PDE4D: variants seen among roughly 807,000 people sequenced by gnomAD.
PDE4D encodes 3',5'-cyclic-AMP phosphodiesterase 4D.
Under a neutral mutation model 87.4 loss-of-function variants are expected in PDE4D, and 24 were observed. The ratio of observed to expected loss-of-function variants is 0.27; its 90% CI spans 0.20 to 0.39. The LOEUF (loss-of-function observed/expected upper bound fraction) is 0.39, where lower values mean the gene tolerates loss of function less well. Among genes scored for constraint, PDE4D ranks in the 10% least tolerant of loss-of-function variants. The pLI is 1.00. For missense variants in PDE4D, 714 were observed against 1,041.0 expected, an observed-to-expected ratio of 0.69 and a Z score of 4.32; for synonymous variants, 384 against 383.2, an observed-to-expected ratio of 1.00 and a Z score of -0.02.
chr5:59,962,179 A>T (rs1325356324), intron 3 of PDE4D, among the ~76,000 whole-genome samples: 1 of 152,200 alleles, frequency 6.6e-6, no homozygotes, highest in Non-Finnish European at 1.5e-5. Flanking sequence ...ATCAGACAGT[A>T]CATTGTAACA....
At chr5:59,567,830 G>A (rs1012153627) in intron 1 of PDE4D, among the ~76,000 whole-genome samples, 1 of 152,160 alleles carries the variant, frequency 6.6e-6, no homozygotes, top group African/African-American at 2.4e-5. Context: ...ATGTGGTAAT[G>A]AGTTAGATTT....
At chr5:59,846,704 G>A (rs1743908595) in intron 1 of PDE4D, among the ~76,000 whole-genome samples, 1 of 151,924 alleles carries the variant, frequency 6.6e-6, no homozygotes, top group Non-Finnish European at 1.5e-5. Context: ...GAGGAGTAGA[G>A]AGCTCCTGGG....
chr5:60,006,246 C>A (rs371320862), intron 2 of PDE4D, among the ~76,000 whole-genome samples: 112 of 151,458 alleles, frequency 7.4e-4, no homozygotes, highest in Non-Finnish European at 1.4e-3. Context: ...TTAGGTTGGG[C>A]GAAAGCAATT....
At chr5:59,907,240 T>C (rs1156641065) in intron 3 of PDE4D, among the ~76,000 whole-genome samples, 5 of 152,178 alleles carry the variant, frequency 3.3e-5, no homozygotes, top group Non-Finnish European at 5.9e-5. Flanking sequence ...CTCATTGTGG[T>C]TTTGATTTGC....
At chr5:60,443,326 T>C (rs561401939) in intron 1 of PDE4D, among the ~76,000 whole-genome samples, 3 of 152,246 alleles carry the variant, frequency 2.0e-5, no homozygotes, top group African/African-American at 7.2e-5. Context: ...GGTATTCAAC[T>C]AGTAAAGTCA....
intron 2 of PDE4D, among the ~76,000 whole-genome samples, chr5:60,121,174 T>C (rs2149378549): frequency 6.6e-6 from 1 of 151,368 alleles, no homozygotes; most frequent in South Asian, 2.1e-4. Context: ...GTTAATACTA[T>C]ATATATATAG....
intron 1 of PDE4D, among the ~76,000 whole-genome samples, chr5:60,221,351 A>G (rs62370656): frequency 0.027 from 4,056 of 152,230 alleles, 75 homozygotes; most frequent in Middle Eastern, 0.051. Flanking sequence ...ATTATCTACA[A>G]TTACCATGTG....
At chr5:59,246,486 C>A (rs1268226075) in intron 1 of PDE4D, among the ~76,000 whole-genome samples, 1 of 152,110 alleles carries the variant, frequency 6.6e-6, no homozygotes, top group Non-Finnish European at 1.5e-5. Flanking sequence ...TGTATTAGGC[C>A]TTCCGTCTCT....
intron 1 of PDE4D, among the ~76,000 whole-genome samples, chr5:59,532,011 G>A (rs1016289028): frequency 1.3e-5 from 2 of 152,068 alleles, no homozygotes; most frequent in Non-Finnish European, 2.9e-5. Flanking sequence ...GCAGCACCTG[G>A]TATATAGTAT....
At chr5:60,179,441 A>G (rs1007452039) in intron 2 of PDE4D, among the ~76,000 whole-genome samples, 2 of 152,196 alleles carry the variant, frequency 1.3e-5, no homozygotes, top group Non-Finnish European at 2.9e-5. Context: ...TGATTATTGT[A>G]TAGCATTTTT....
At chr5:59,331,751 C>T (rs887586093) in intron 1 of PDE4D, among the ~76,000 whole-genome samples, 2 of 152,162 alleles carry the variant, frequency 1.3e-5, no homozygotes, top group African/African-American at 4.8e-5. Context: ...TTTCAAGTTC[C>T]CTTTCTTGCA....
At chr5:59,413,064 A>T (rs1792963075) in intron 1 of PDE4D, among the ~76,000 whole-genome samples, 1 of 152,228 alleles carries the variant, frequency 6.6e-6, no homozygotes, top group Non-Finnish European at 1.5e-5. Flanking sequence ...TGCCTGTGGC[A>T]ATTGCACTTG....
At chr5:59,906,395 T>C (rs1185931755) in intron 3 of PDE4D, among the ~76,000 whole-genome samples, 1 of 152,134 alleles carries the variant, frequency 6.6e-6, no homozygotes, top group African/African-American at 2.4e-5. Context: ...TCATTCACAA[T>C]AGAAATAGCA....
At chr5:59,334,256 T>G (rs1048180588) in intron 1 of PDE4D, among the ~76,000 whole-genome samples, 10 of 69,228 alleles carry the variant, frequency 1.4e-4, no homozygotes, top group Non-Finnish European at 3.9e-4. Context: ...AGTTTTTTTT[T>G]TTTTTTTTTT....
intron 1 of PDE4D, among the ~76,000 whole-genome samples, chr5:59,751,460 T>C (rs139894421): frequency 6.1e-4 from 93 of 152,286 alleles, no homozygotes; most frequent in African/African-American, 2.1e-3. Flanking sequence ...CACATACTTG[T>C]GGCTTAGCAA....
chr5:60,310,716 C>T (rs1175905261), intron 1 of PDE4D, among the ~76,000 whole-genome samples: 5 of 152,264 alleles, frequency 3.3e-5, no homozygotes, highest in South Asian at 2.1e-4. Flanking sequence ...AACCTTCGCT[C>T]TTGCTCTACT....
chr5:59,466,623 T>C (rs1384694057), intron 1 of PDE4D, among the ~76,000 whole-genome samples: 1 of 152,188 alleles, frequency 6.6e-6, no homozygotes, highest in African/African-American at 2.4e-5. Context: ...TCAGCAATAA[T>C]TGGAAAAAGA....
At chr5:59,767,926 C>T (rs1287248366) in intron 1 of PDE4D, among the ~76,000 whole-genome samples, 1 of 152,104 alleles carries the variant, frequency 6.6e-6, no homozygotes, top group African/African-American at 2.4e-5. Flanking sequence ...TTTAAGGAAT[C>T]AAAGAAACGC....
chr5:60,406,926 A>G (rs183768977), intron 1 of PDE4D, among the ~76,000 whole-genome samples: 1 of 152,276 alleles, frequency 6.6e-6, no homozygotes, highest in East Asian at 1.9e-4. Context: ...TGGTTGAAAA[A>G]GTACTATAAA....
Sources: gnomAD v4.1 joint callset for allele counts (sites outside exome capture counted in the v4.1 genomes callset) on GRCh38, gnomAD v4.1.1 for gene constraint, MANE v1.5 for transcripts, NCBI Gene and HGNC (gene_info 2026-07-23, HGNC 2026-07-21) for gene names.